Variants in AKAP7 observed in about 807,000 individuals in gnomAD.
AKAP7 encodes A kinase (PRKA) anchor protein 7.
AKAP7 carries 39 observed loss-of-function variants against 39.5 expected under a neutral mutation model. The observed-to-expected ratio is 0.99, with a 90% CI of 0.76 to 1.29. The LOEUF (loss-of-function observed/expected upper bound fraction) is 1.29, where lower values mean the gene tolerates loss of function less well. Ranked by LOEUF, AKAP7 falls within the 50% of genes most tolerant of loss-of-function variation. The pLI is 0.00. For synonymous variants in AKAP7, 140 were observed against 139.1 expected (o/e 1.01, Z -0.05); for missense variants, 414 against 407.7 (o/e 1.02, Z -0.13).
chr6:131,259,074 G>C (rs954010448), intron 7 of AKAP7, among the ~76,000 whole-genome samples: 3 of 152,180 alleles, frequency 2.0e-5, no homozygotes, highest in African/African-American at 7.2e-5. Context: ...TCCTGACTTC[G>C]AGGTCAGATA....
At chr6:131,210,260 G>A (rs185821339) in intron 6 of AKAP7, among the ~76,000 whole-genome samples, 1 of 152,134 alleles carries the variant, frequency 6.6e-6, no homozygotes, top group Non-Finnish European at 1.5e-5. Flanking sequence ...AATAATACTG[G>A]TTCTTCAAAA....
intron 5 of AKAP7, among the ~76,000 whole-genome samples, chr6:131,198,488 G>A (rs1461646206): frequency 2.6e-5 from 4 of 151,988 alleles, no homozygotes; most frequent in African/African-American, 9.7e-5. Flanking sequence ...ATAGTTTTTT[G>A]TTTGTTTTTT....
chr6:131,237,862 G>A (rs1179240320), intron 7 of AKAP7, among the ~76,000 whole-genome samples: 4 of 151,994 alleles, frequency 2.6e-5, no homozygotes, highest in Non-Finnish European at 4.4e-5. Flanking sequence ...ACCAGCTCCT[G>A]GATTCACTGA....
chr6:131,237,891 G>T (rs957591975), intron 7 of AKAP7, among the ~76,000 whole-genome samples: 1 of 152,046 alleles, frequency 6.6e-6, no homozygotes. Flanking sequence ...AAGGGTTTTT[G>T]TGTCTCTATT....
At chr6:131,141,605 A>G (rs749121309) in intron 1 of AKAP7, among the ~76,000 whole-genome samples, 2 of 152,162 alleles carry the variant, frequency 1.3e-5, no homozygotes, top group East Asian at 1.9e-4. Flanking sequence ...CAGGGGTTAG[A>G]AGAGTTTGGA....
intron 7 of AKAP7, among the ~76,000 whole-genome samples, chr6:131,236,845 C>T (rs1236871260): frequency 6.6e-6 from 1 of 152,144 alleles, no homozygotes; most frequent in Non-Finnish European, 1.5e-5. Flanking sequence ...ATCATGTCAT[C>T]TGCAAACAGG....
At chr6:131,262,885 G>A (rs1813467701) in intron 7 of AKAP7, among the ~76,000 whole-genome samples, 2 of 152,218 alleles carry the variant, frequency 1.3e-5, no homozygotes, top group Non-Finnish European at 2.9e-5. Flanking sequence ...TAGGGAGATA[G>A]CAAATTAGAT....
chr6:131,172,623 C>T (rs1804180652), intron 5 of AKAP7, among the ~76,000 whole-genome samples: 1 of 152,154 alleles, frequency 6.6e-6, no homozygotes, highest in South Asian at 2.1e-4. Flanking sequence ...CCACTGTGCC[C>T]AGCCCCTCCT....
upstream of AKAP7, among the ~76,000 whole-genome samples, chr6:131,131,304 G>A (rs763406459): frequency 2.2e-4 from 33 of 152,052 alleles, no homozygotes; most frequent in Non-Finnish European, 4.3e-4. Context: ...CTAGATGCTT[G>A]GTTTAAAAAC....
intron 7 of AKAP7, among the ~76,000 whole-genome samples, chr6:131,241,613 G>GTGTGTGTGTGTATACGTATATA (rs1811583225): frequency 2.0e-5 from 2 of 102,442 alleles, no homozygotes; most frequent in African/African-American, 6.9e-5. Context: ...GTGTGTGTGT[G>GTGTGTGTGTGTATACGTATATA]TGTGTGTGTG....
chr6:131,179,266 T>C (rs2128253084), intron 5 of AKAP7, among the ~76,000 whole-genome samples: 1 of 152,246 alleles, frequency 6.6e-6, no homozygotes, highest in Middle Eastern at 3.4e-3. Context: ...TTCTGCCTCC[T>C]GGGTTCAAGT....
At chr6:131,245,373 T>C (rs1251360595) in intron 7 of AKAP7, among the ~76,000 whole-genome samples, 1 of 151,308 alleles carries the variant, frequency 6.6e-6, no homozygotes, top group Non-Finnish European at 1.5e-5. Context: ...GCATCCCGAG[T>C]AGCTGGGATT....
chr6:131,135,605 C>A lies in AKAP7; in HGVS notation c.-159C>A. The A allele has an allele frequency of 1.7e-6, 1 of 575,660 alleles. No individual in the cohort carries two copies. The highest frequency in any genetic ancestry group is 2.2e-6 in the Non-Finnish European group (1 of 454,042). The allele number at this position is 575,660 out of a possible 1,614,324, so 35.7% of individuals were successfully genotyped here. A position where few individuals can be genotyped will look rare whatever the true frequency, so the allele number is the denominator to read the frequency against. ...AGGCCTGGCCTCCGCCGCCCGGGCC[C>A]CCGCAGCCTGTCGCTGGACCCCGCG... On this transcript the variant is annotated 5_prime_UTR_variant, in exon 1 of 8. Coordinates refer to ENST00000431975, the MANE Select transcript of AKAP7 (RefSeq NM_016377.4).
rs139212499 is a variant in AKAP7 at position 131,278,546 on chromosome 6, T to C, written c.851-2984T>C. 7.2e-5 allele frequency among the ~76,000 whole-genome samples: 11 copies of C among 152,298 alleles called. No individual in the cohort carries two copies. The East Asian group carries it at 2.1e-3, about 29-fold the overall frequency. On this transcript the variant is annotated intron_variant, in intron 7 of 7. Coordinates refer to ENST00000431975, the MANE Select transcript of AKAP7 (RefSeq NM_016377.4). ...AAAGAAAAGAGGTTTAGTTGGCTCA[T>C]GGTTCCACAGGCTGTACAGGAAGCA...
chr6:131,200,546 C>T (rs1290756673), intron 6 of AKAP7, among the ~76,000 whole-genome samples: 1 of 151,930 alleles, frequency 6.6e-6, no homozygotes, highest in Non-Finnish European at 1.5e-5. Context: ...TGTCTCTGTC[C>T]TCAGAAAAGT....
At chr6:131,147,489 A>G (rs1309411018) in intron 2 of AKAP7, among the ~76,000 whole-genome samples, 1 of 152,214 alleles carries the variant, frequency 6.6e-6, no homozygotes, top group Non-Finnish European at 1.5e-5. Context: ...TGTGAGTTTC[A>G]CGGCTGTTGG....
chr6:131,173,736 T>A (rs1804307783), intron 5 of AKAP7, among the ~76,000 whole-genome samples: 1 of 152,218 alleles, frequency 6.6e-6, no homozygotes, highest in African/African-American at 2.4e-5. Flanking sequence ...TTAAACTTAA[T>A]CTTTTCTTCT....
At chr6:131,131,467 CTTTTTTTT>C (rs3031855), upstream of AKAP7, among the ~76,000 whole-genome samples, 14 of 138,356 alleles carry the variant, frequency 1.0e-4, no homozygotes, top group East Asian at 8.8e-4. Context: ...CTCTTTCTTT[CTTTTTTTT>C]TTTTTTTTTG....
intron 7 of AKAP7, among the ~76,000 whole-genome samples, chr6:131,261,857 T>A (rs982019767): frequency 5.3e-5 from 8 of 152,176 alleles, no homozygotes; most frequent in African/African-American, 1.9e-4. Context: ...CCAGTTGCTT[T>A]AACAGAGAGA....
Sources: gnomAD v4.1 joint callset for allele counts (sites outside exome capture counted in the v4.1 genomes callset) on GRCh38, gnomAD v4.1.1 for gene constraint, MANE v1.5 for transcripts, NCBI Gene and HGNC (gene_info 2026-07-23, HGNC 2026-07-21) for gene names.